Variants in TTC6 observed in about 807,000 individuals in gnomAD.
The protein encoded by TTC6 is tetratricopeptide repeat protein 6.
TTC6 carries 172 observed loss-of-function variants against 210.4 expected under a neutral mutation model. The ratio of observed to expected loss-of-function variants is 0.82; its 90% CI spans 0.72 to 0.93. The LOEUF (loss-of-function observed/expected upper bound fraction) is 0.93, where lower values mean the gene tolerates loss of function less well. Among genes scored for constraint, TTC6 ranks in the 40% least tolerant of loss-of-function variants. TTC6 has a pLI of 0.00. For synonymous variants in TTC6, 804 were observed against 819.6 expected, an observed-to-expected ratio of 0.98 and a Z score of 0.32; for missense variants, 2,414 against 2,318.1, an observed-to-expected ratio of 1.04 and a Z score of -0.85.
At chr14:37,622,646 C>T in exon 1 of TTC6, 2 of 1,535,144 alleles carry the variant, frequency 1.3e-6, no homozygotes, top group Non-Finnish European at 1.7e-6. Flanking sequence ...TAGCTCCTCT[C>T]GCAGGGCCCT....
At chr14:37,694,545 A>G (rs1028744993) in intron 3 of TTC6, among the ~76,000 whole-genome samples, 1 of 152,158 alleles carries the variant, frequency 6.6e-6, no homozygotes, top group Non-Finnish European at 1.5e-5. Context: ...AAATAGAACT[A>G]CCATATGATA....
chr14:37,631,916 C>T (rs1358898498), intron 1 of TTC6, among the ~76,000 whole-genome samples: 1 of 152,034 alleles, frequency 6.6e-6, no homozygotes, highest in Non-Finnish European at 1.5e-5. Flanking sequence ...GGTATTGATA[C>T]TTGTTTATGC....
chr14:37,615,507 T>G (rs1359986735), intron 2 of TTC6, among the ~76,000 whole-genome samples: 2 of 152,134 alleles, frequency 1.3e-5, no homozygotes, highest in African/African-American at 4.8e-5. Context: ...ATAATTTCTG[T>G]GCATTTATCT....
chr14:37,721,855 T>C (rs911163431), intron 6 of TTC6, among the ~76,000 whole-genome samples: 9 of 141,296 alleles, frequency 6.4e-5, no homozygotes, highest in African/African-American at 2.1e-4. Context: ...ACCATATATA[T>C]ATATATATAT....
At chr14:37,732,436 G>A (rs1223827601) in intron 7 of TTC6, among the ~76,000 whole-genome samples, 1 of 151,696 alleles carries the variant, frequency 6.6e-6, no homozygotes, top group Non-Finnish European at 1.5e-5. Context: ...GCCCGCCTTG[G>A]CCTCCCAAAG....
At chr14:37,664,973 G>C (rs904924746) in intron 1 of TTC6, among the ~76,000 whole-genome samples, 4 of 150,464 alleles carry the variant, frequency 2.7e-5, no homozygotes, top group African/African-American at 9.7e-5. Context: ...AGTTAGAATG[G>C]CTATTATTAA....
At chr14:37,753,983 A>G (rs1194853168) in intron 14 of TTC6, among the ~76,000 whole-genome samples, 2 of 151,830 alleles carry the variant, frequency 1.3e-5, no homozygotes, top group Non-Finnish European at 2.9e-5. Flanking sequence ...TTTTCTTTTA[A>G]TCTAAATTTT....
chr14:37,825,411 C>A (rs1383493863), intron 27 of TTC6, among the ~76,000 whole-genome samples: 1 of 152,042 alleles, frequency 6.6e-6, no homozygotes, highest in Non-Finnish European at 1.5e-5. Flanking sequence ...ATATGAGAGT[C>A]CCTAGGCTCA....
chr14:37,830,473 C>A (rs1316215091), intron 29 of TTC6, among the ~76,000 whole-genome samples: 2 of 151,514 alleles, frequency 1.3e-5, no homozygotes, highest in Non-Finnish European at 2.9e-5. Flanking sequence ...GTTGTATATT[C>A]CTTAATTTTG....
intron 1 of TTC6, among the ~76,000 whole-genome samples, chr14:37,599,811 A>T (rs1435737427): frequency 6.6e-6 from 1 of 151,848 alleles, no homozygotes; most frequent in East Asian, 1.9e-4. Flanking sequence ...ACGGGAACAA[A>T]CCTCCCTCGA....
chr14:37,685,639 G>T (rs900153876), intron 3 of TTC6, among the ~76,000 whole-genome samples: 2 of 152,158 alleles, frequency 1.3e-5, no homozygotes, highest in South Asian at 4.1e-4. Context: ...CTGACAGGGA[G>T]AATGATCTTT....
intron 2 of TTC6, among the ~76,000 whole-genome samples, chr14:37,610,259 A>G (rs929738016): frequency 6.6e-6 from 1 of 152,266 alleles, no homozygotes; most frequent in Non-Finnish European, 1.5e-5. Context: ...GGAGCACGAG[A>G]CTTTTATCGT....
intron 25 of TTC6, among the ~76,000 whole-genome samples, chr14:37,813,242 A>G (rs2096133789): frequency 6.6e-6 from 1 of 152,152 alleles, no homozygotes; most frequent in Admixed American, 6.5e-5. Context: ...CCTTTGAGGA[A>G]GTTTACACTA....
chr14:37,752,841 C>T (rs1053652824), intron 13 of TTC6, among the ~76,000 whole-genome samples: 2 of 151,568 alleles, frequency 1.3e-5, no homozygotes, highest in Non-Finnish European at 2.9e-5. Context: ...AGCAAATTTT[C>T]AGTGGGCAGA....
chr14:37,809,740 A>C (rs2096125962), intron 24 of TTC6, among the ~76,000 whole-genome samples: 2 of 151,980 alleles, frequency 1.3e-5, no homozygotes, highest in Non-Finnish European at 2.9e-5. Flanking sequence ...ATTTGTCTTG[A>C]TCCAGCATCT....
chr14:37,738,221 TTC>T (rs1264445932), intron 9 of TTC6, among the ~76,000 whole-genome samples: 1 of 150,746 alleles, frequency 6.6e-6, no homozygotes, highest in Non-Finnish European at 1.5e-5. Context: ...ATTAAGCTGA[TTC>T]TCTAATGATT....
chr14:37,827,380 T>C lies in TTC6; in HGVS notation c.5298+14T>C. 6.2e-7 allele frequency: 1 copy of C among 1,609,580 alleles called. No homozygotes were observed. Among genetic ancestry groups the C allele is most frequent in the Non-Finnish European group, 8.5e-7 (1 of 1,177,310 alleles). Reference sequence around the variant, plus strand: ...CAGTTTTCCCAGGTAATGTGAGTTTTACTTAACGCTTTCTTTTTGACCTGG... The same window carrying C: ...CAGTTTTCCCAGGTAATGTGAGTTTCACTTAACGCTTTCTTTTTGACCTGG... On this transcript the variant is annotated intron_variant, in intron 29 of 30. Transcript: ENST00000553443.
intron 26 of TTC6, 46 bp from the exon 29 acceptor site, chr14:37,823,701 A>T (rs1485250618): frequency 6.6e-7 from 1 of 1,513,546 alleles, no homozygotes; most frequent in Non-Finnish European, 9.1e-7. Flanking sequence ...TGTCACCAGA[A>T]TGCATCAGTT....
At chr14:37,751,884 T>C (rs1157157145) in intron 13 of TTC6, among the ~76,000 whole-genome samples, 2 of 143,068 alleles carry the variant, frequency 1.4e-5, no homozygotes, top group South Asian at 2.2e-4. Flanking sequence ...AGTGCAGTGG[T>C]GCGATCTCGG....
Sources: gnomAD v4.1 joint callset for allele counts (sites outside exome capture counted in the v4.1 genomes callset) on GRCh38, gnomAD v4.1.1 for gene constraint, MANE v1.5 for transcripts, NCBI Gene and HGNC (gene_info 2026-07-23, HGNC 2026-07-21) for gene names.